Variants in HS6ST2 observed in about 807,000 individuals in gnomAD.
HS6ST2 encodes the protein heparan sulfate 6-O-sulfotransferase 2, also known as heparan-sulfate 6-O-sulfotransferase 2.
In HS6ST2, 17 loss-of-function variants were observed where a neutral mutation model predicts 33.0. The observed-to-expected ratio is 0.52, with a 90% CI of 0.35 to 0.77. The LOEUF (loss-of-function observed/expected upper bound fraction) is 0.77. Among genes scored for constraint, HS6ST2 ranks in the 30% least tolerant of loss-of-function variants. HS6ST2 has a pLI of 0.01. For synonymous variants in HS6ST2, 248 were observed against 237.1 expected, an observed-to-expected ratio of 1.05 and a Z score of -0.42; for missense variants, 519 against 551.7, an observed-to-expected ratio of 0.94 and a Z score of 0.59.
chrX:132,851,470 T>A (rs1383399421), intron 2 of HS6ST2, among the ~76,000 whole-genome samples: 1 of 112,542 alleles, frequency 8.9e-6, no homozygotes, highest in African/African-American at 3.2e-5. Context: ...CTTCTCAACT[T>A]CAGGGTTGTT....
chrX:132,837,204 T>C (rs2065652336), intron 2 of HS6ST2, among the ~76,000 whole-genome samples: 1 of 112,172 alleles, frequency 8.9e-6, no homozygotes. Flanking sequence ...CTAACTCTCT[T>C]TAAATCTACC....
chrX:132,817,084 G>C (rs1452014929), intron 2 of HS6ST2, among the ~76,000 whole-genome samples: 2 of 111,173 alleles, frequency 1.8e-5, no homozygotes, highest in Non-Finnish European at 3.8e-5. Flanking sequence ...CACAATCACA[G>C]CCAATTTTTG....
intron 2 of HS6ST2, among the ~76,000 whole-genome samples, chrX:132,943,494 C>T (rs1183149046): frequency 9.0e-6 from 1 of 111,487 alleles, no homozygotes; most frequent in Non-Finnish European, 1.9e-5. Context: ...AGGGAATCCT[C>T]CCTAACTCAT....
intron 2 of HS6ST2, among the ~76,000 whole-genome samples, chrX:132,862,892 A>T (rs1355598551): frequency 2.7e-5 from 3 of 112,067 alleles, no homozygotes; most frequent in Non-Finnish European, 5.6e-5. Context: ...AATGGAAAGG[A>T]TCTACATCAA....
At chrX:132,719,789 C>T (rs2064312150) in intron 2 of HS6ST2, among the ~76,000 whole-genome samples, 1 of 112,632 alleles carries the variant, frequency 8.9e-6, no homozygotes, top group Non-Finnish European at 1.9e-5. Context: ...TGGCTGATGC[C>T]TGATTCTCAC....
intron 1 of HS6ST2, 138 bp from the exon 2 acceptor site, chrX:132,957,464 G>C: frequency 1.5e-6 from 1 of 663,540 alleles, no homozygotes; most frequent in East Asian, 3.7e-5. Context: ...CCACGGCGGC[G>C]GCGGCTGCGG....
At position 132,637,929 on chromosome X, in the gene HS6ST2, T is replaced by TA. The variant is rs1468586230; in HGVS notation, c.1068-8837_1068-8836insT. Reference sequence around the variant, plus strand: ...TTATATATAATATTTTATATATATATTATATATAATATTTTATATATAATA... The same window carrying TA: ...TTATATATAATATTTTATATATATATATATATATAATATTTTATATATAATA... On this transcript the variant is annotated intron_variant, in intron 4 of 4. Coordinates refer to ENST00000370833, the MANE Select transcript of HS6ST2 (RefSeq NM_001394073.1). Among the ~76,000 whole-genome samples, 87 of 63,504 alleles carry TA rather than the reference T, an allele frequency of 1.4e-3. 2 individuals carry two copies. Among genetic ancestry groups the TA allele is most frequent in the South Asian group, 0.011 (14 of 1,306 alleles). The allele number at this position is 63,504 out of a possible 115,157, so 55.1% of individuals were successfully genotyped here.
intron 2 of HS6ST2, among the ~76,000 whole-genome samples, chrX:132,737,703 A>G (rs2064522137): frequency 8.9e-6 from 1 of 112,641 alleles, no homozygotes; most frequent in African/African-American, 3.2e-5. Flanking sequence ...CAGTCAAACC[A>G]GCGGAAGGGG....
intron 2 of HS6ST2, among the ~76,000 whole-genome samples, chrX:132,932,118 G>A (rs979766977): frequency 3.7e-4 from 40 of 107,365 alleles, no homozygotes; most frequent in African/African-American, 1.3e-3. Flanking sequence ...CCCGGGAGGC[G>A]GAGCTTGCAG....
At chrX:132,824,890 C>T (rs964518539) in intron 2 of HS6ST2, among the ~76,000 whole-genome samples, 1 of 112,344 alleles carries the variant, frequency 8.9e-6, no homozygotes, top group Non-Finnish European at 1.9e-5. Context: ...TTACCAAAAA[C>T]TCATTTTATA....
chrX:132,777,117 A>G (rs1357091147), intron 2 of HS6ST2, among the ~76,000 whole-genome samples: 1 of 103,111 alleles, frequency 9.7e-6, no homozygotes, highest in Non-Finnish European at 2.0e-5. Flanking sequence ...GGGCCAGGCC[A>G]GGGATGCTGC....
At chrX:132,879,080 G>A (rs2066138375) in intron 2 of HS6ST2, among the ~76,000 whole-genome samples, 1 of 111,893 alleles carries the variant, frequency 8.9e-6, no homozygotes, top group Non-Finnish European at 1.9e-5. Context: ...CTAATTACAA[G>A]CATTTAAGGA....
At chrX:132,761,832 C>A (rs965589352) in intron 2 of HS6ST2, among the ~76,000 whole-genome samples, 2 of 111,674 alleles carry the variant, frequency 1.8e-5, no homozygotes, top group Non-Finnish European at 3.8e-5. Flanking sequence ...TCTGAATCTT[C>A]TGTAAAAACT....
rs976584176 is a variant in HS6ST2, at chrX:132,687,814, T to G, written c.981-18615A>C. ...CCCCAGGCTGAGTGCAATGGCGCAA[T>G]CTCGGCTCACTGCAACCTCTGCCTC... On this transcript the variant is annotated intron_variant, in intron 3 of 4. Transcript: ENST00000370833. Among the ~76,000 whole-genome samples, 4 of 110,675 alleles carry G rather than the reference T, an allele frequency of 3.6e-5. No individual in the cohort carries two copies. The East Asian group carries it at 1.1e-3, about 31-fold the overall frequency.
intron 2 of HS6ST2, among the ~76,000 whole-genome samples, chrX:132,900,085 T>G (rs1248406840): frequency 8.9e-6 from 1 of 112,278 alleles, no homozygotes; most frequent in Non-Finnish European, 1.9e-5. Flanking sequence ...TTTTATAAGT[T>G]GCTGCATTTT....
At chrX:132,778,614 C>T (rs1211306368) in intron 2 of HS6ST2, among the ~76,000 whole-genome samples, 1 of 109,258 alleles carries the variant, frequency 9.2e-6, no homozygotes, top group African/African-American at 3.4e-5. Context: ...CCATGTTGGT[C>T]AGACTGGTCT....
chrX:132,957,603 G>A (rs1030473515), intron 1 of HS6ST2, among the ~76,000 whole-genome samples: 2 of 101,795 alleles, frequency 2.0e-5, no homozygotes, highest in African/African-American at 3.7e-5. Flanking sequence ...AGAGCTCTCC[G>A]GAGCTCCCCG....
rs183593338 is a variant in HS6ST2, at chrX:132,930,676, C to G, written c.947+26132G>C. On this transcript the variant is annotated intron_variant, in intron 2 of 4. Coordinates refer to ENST00000370833, the MANE Select transcript of HS6ST2 (RefSeq NM_001394073.1). ...TAGGAGGATCTCAATACAACCCTCC[C>G]CCACCAAAAGACACCCAAGGGCTTG... 2.7e-5 allele frequency among the ~76,000 whole-genome samples: 3 copies of G among 111,384 alleles called. No homozygotes were observed. In the Admixed American group the frequency reaches 2.9e-4, roughly 11 times the overall value.
At chrX:132,949,317 C>T (rs750777563) in intron 2 of HS6ST2, among the ~76,000 whole-genome samples, 15 of 109,211 alleles carry the variant, frequency 1.4e-4, no homozygotes, top group African/African-American at 5.0e-4. Flanking sequence ...GCAGAATAAG[C>T]TTTATATTTC....
Sources: gnomAD v4.1 joint callset for allele counts (sites outside exome capture counted in the v4.1 genomes callset) on GRCh38, gnomAD v4.1.1 for gene constraint, MANE v1.5 for transcripts, NCBI Gene and HGNC (gene_info 2026-07-23, HGNC 2026-07-21) for gene names.